The following FAM168B variants were observed in gnomAD, a reference collection of about 807,000 sequenced individuals.
FAM168B encodes family with sequence similarity 168 member B.
Under a neutral mutation model 21.8 loss-of-function variants are expected in FAM168B, and 19 were observed. The ratio of observed to expected loss-of-function variants is 0.87; its 90% CI spans 0.61 to 1.28. The LOEUF is 1.28. Ranked by LOEUF, FAM168B falls within the 50% of genes most tolerant of loss-of-function variation. FAM168B has a pLI of 0.00. For synonymous variants in FAM168B, 126 were observed against 104.8 expected (o/e 1.20, Z -1.24); for missense variants, 233 against 263.1 (o/e 0.89, Z 0.79).
At chr2:131,091,043 TA>T (rs1162318645) in intron 1 of FAM168B, among the ~76,000 whole-genome samples, 3 of 152,128 alleles carry the variant, frequency 2.0e-5, no homozygotes, top group South Asian at 4.1e-4. Flanking sequence ...AATATATTTT[TA>T]AAAAAGAAGC....
At chr2:131,062,964 T>G (rs545962741) in intron 3 of FAM168B, among the ~76,000 whole-genome samples, 2 of 152,320 alleles carry the variant, frequency 1.3e-5, no homozygotes, top group African/African-American at 2.4e-5. Context: ...TAAGATATAC[T>G]GAGGACCACA....
At chr2:131,064,030 A>T (rs879460719) in intron 3 of FAM168B, among the ~76,000 whole-genome samples, 28 of 152,252 alleles carry the variant, frequency 1.8e-4, no homozygotes, top group Middle Eastern at 3.4e-3. Flanking sequence ...TTTCCAAAAC[A>T]ACAGCTTTTC....
Position 131,051,348 on chromosome 2 carries a change from A to T in FAM168B, c.*1117T>A. The T allele has an allele frequency of 1.0e-6, 1 of 985,366 alleles. No homozygotes were observed. The allele number at this position is 985,366 out of a possible 1,614,324, so 61.0% of individuals were successfully genotyped here. ...ACAAGAAATTGGAGGAATTTTAAAT[A>T]AAGTTTTGTTCCCTTTTAACTCATT... On this transcript the variant is annotated 3_prime_UTR_variant, in exon 7 of 7. Transcript: ENST00000389915.
At chr2:131,084,869 TGCATCGCCACGTCTG>T (rs1693602291) in intron 1 of FAM168B, among the ~76,000 whole-genome samples, 1 of 152,156 alleles carries the variant, frequency 6.6e-6, no homozygotes, top group Non-Finnish European at 1.5e-5. Flanking sequence ...ACTACAGGTG[TGCATCGCCACGTCTG>T]GCTCATTTTT....
At chr2:131,081,714 C>T (rs1315164784) in intron 2 of FAM168B, among the ~76,000 whole-genome samples, 1 of 152,176 alleles carries the variant, frequency 6.6e-6, no homozygotes, top group Admixed American at 6.6e-5. Flanking sequence ...ATCTCTATCC[C>T]CATGTGGGTT....
In FAM168B at chr2:131,048,519, AAAT is replaced by A. The variant is rs1235406803; in HGVS notation, c.*3943_*3945del. The A allele has an allele frequency of 3.8e-5, 42 of 1,112,138 alleles. No individual in the cohort carries two copies. The South Asian group carries it at 8.9e-4, about 24-fold the overall frequency. 68.9% of individuals were successfully genotyped at this position (1,112,138 alleles called of 1,614,324 possible). ...TATCCCCACAGGCTCTCTCTTCTTC[AAAT>A]AATGAGTAGGAAAAAGAGACAAACT... On this transcript the variant is annotated 3_prime_UTR_variant, in exon 7 of 7. Transcript: ENST00000389915.
intron 3 of FAM168B, among the ~76,000 whole-genome samples, chr2:131,065,891 C>T (rs1040709459): frequency 6.6e-6 from 1 of 151,350 alleles, no homozygotes; most frequent in Non-Finnish European, 1.5e-5. Flanking sequence ...GTACCAAAAC[C>T]AGATAAACAC....
At chr2:131,061,135 G>C (rs1188804839) in intron 3 of FAM168B, among the ~76,000 whole-genome samples, 3 of 142,020 alleles carry the variant, frequency 2.1e-5, no homozygotes, top group Non-Finnish European at 4.6e-5. Flanking sequence ...ACAGGCGTGA[G>C]CCACCGCGCC....
At chr2:131,092,852 G>A (rs1179970604) in intron 1 of FAM168B, among the ~76,000 whole-genome samples, 1 of 152,138 alleles carries the variant, frequency 6.6e-6, no homozygotes, top group Non-Finnish European at 1.5e-5. Flanking sequence ...GGTAGACAAA[G>A]TGAGCAGTTA....
chr2:131,082,776 T>C (rs1277803348), intron 1 of FAM168B, 119 bp from the exon 2 acceptor site: 1 of 617,556 alleles, frequency 1.6e-6, no homozygotes, highest in Non-Finnish European at 2.8e-6. Flanking sequence ...AAACAATGCA[T>C]TTCATGCTGC....
chr2:131,059,563 T>A (rs1458329061), intron 3 of FAM168B, among the ~76,000 whole-genome samples: 1 of 152,206 alleles, frequency 6.6e-6, no homozygotes, highest in African/African-American at 2.4e-5. Flanking sequence ...CACCAAACTC[T>A]TATCTGACCA....
chr2:131,050,579 A>G lies in FAM168B; in HGVS notation c.*1886T>C, dbSNP rs997220068. The G allele has an allele frequency of 4.1e-6, 4 of 985,508 alleles. No individual in the cohort carries two copies. The African/African-American group carries it at 7.0e-5, about 17-fold the overall frequency. 61.0% of individuals were successfully genotyped at this position (985,508 alleles called of 1,614,324 possible). On this transcript the variant is annotated 3_prime_UTR_variant, in exon 7 of 7. Coordinates refer to ENST00000389915, the MANE Select transcript of FAM168B (RefSeq NM_001009993.4). ...CAGTAAACATTCTATGTTAATAGAC[A>G]TCAGGAATAAAGAATCTGCTGTTTA...
Position 131,082,562 on chromosome 2 carries a change from A to AT in FAM168B, c.70+14dup. ...TTCAAAGTTCAAAAATGAAAACAAA[A>AT]TTTTACTTACTTACCTGGATAACCA... On this transcript the variant is annotated intron_variant, in intron 2 of 6. Coordinates refer to ENST00000389915, the MANE Select transcript of FAM168B (RefSeq NM_001009993.4). 1 of 1,580,126 alleles carries AT rather than the reference A, an allele frequency of 6.3e-7. No homozygotes were observed. Among genetic ancestry groups the AT allele is most frequent in the Non-Finnish European group, 8.6e-7 (1 of 1,161,300 alleles).
rs968151723 is a variant in FAM168B at position 131,051,347 on chromosome 2, TAA to T, written c.*1116_*1117del. On this transcript the variant is annotated 3_prime_UTR_variant, in exon 7 of 7. Transcript: ENST00000389915. Reference sequence around the variant, plus strand: ...TACAAGAAATTGGAGGAATTTTAAATAAAGTTTTGTTCCCTTTTAACTCATTC... The same window carrying T: ...TACAAGAAATTGGAGGAATTTTAAATAGTTTTGTTCCCTTTTAACTCATTC... 2.0e-6 allele frequency: 2 copies of T among 985,292 alleles called. No individual in the cohort carries two copies. Among genetic ancestry groups the T allele is most frequent in the Non-Finnish European group, 2.4e-6 (2 of 829,942 alleles). The allele number at this position is 985,292 out of a possible 1,614,324, so 61.0% of individuals were successfully genotyped here. A position where few individuals can be genotyped will look rare whatever the true frequency, so the allele number is the denominator to read the frequency against.
At chr2:131,075,680 G>A (rs1050044473) in intron 2 of FAM168B, among the ~76,000 whole-genome samples, 2 of 151,992 alleles carry the variant, frequency 1.3e-5, no homozygotes, top group Non-Finnish European at 2.9e-5. Flanking sequence ...AGTAGAGACA[G>A]GGTTTCACCA....
At chr2:131,092,394 GT>G (rs1694079458) in intron 1 of FAM168B, among the ~76,000 whole-genome samples, 2 of 152,218 alleles carry the variant, frequency 1.3e-5, no homozygotes, top group Admixed American at 6.5e-5. Flanking sequence ...AATGTGTCCT[GT>G]TTTTGCCAAA....
intron 2 of FAM168B, among the ~76,000 whole-genome samples, chr2:131,074,074 C>T (rs1693014037): frequency 6.6e-6 from 1 of 152,206 alleles, no homozygotes; most frequent in Admixed American, 6.5e-5. Context: ...TTTGGGCTGA[C>T]CCCTCTGGCT....
chr2:131,078,218 G>C (rs1017256831), intron 2 of FAM168B, among the ~76,000 whole-genome samples: 1 of 152,220 alleles, frequency 6.6e-6, no homozygotes, highest in Non-Finnish European at 1.5e-5. Context: ...GTGATCCAGA[G>C]ACTGCAGTTA....
At chr2:131,069,519 A>G (rs1301488227) in intron 3 of FAM168B, among the ~76,000 whole-genome samples, 2 of 151,568 alleles carry the variant, frequency 1.3e-5, no homozygotes, top group Non-Finnish European at 1.5e-5. Flanking sequence ...TTGGGGACGG[A>G]GTCCTGCTCT....
Sources: gnomAD v4.1 joint callset for allele counts (sites outside exome capture counted in the v4.1 genomes callset) on GRCh38, gnomAD v4.1.1 for gene constraint, MANE v1.5 for transcripts, NCBI Gene and HGNC (gene_info 2026-07-23, HGNC 2026-07-21) for gene names.